HTR2C: variants seen among roughly 807,000 people sequenced by gnomAD.
HTR2C encodes 5-hydroxytryptamine (serotonin) receptor 2C, G protein-coupled.
A neutral mutation model predicts 21.0 loss-of-function variants in HTR2C; 5 were observed. That is an observed-to-expected ratio of 0.24 (90% confidence interval 0.12 to 0.50). The LOEUF is 0.50. HTR2C is among the 20% of genes least tolerant of loss of function. The probability of loss-of-function intolerance (pLI) is 0.98; values close to 1 mark genes in which losing one functional copy is unlikely to be tolerated. For missense variants in HTR2C, 271 were observed against 371.2 expected (o/e 0.73, Z 2.22); for synonymous variants, 150 against 145.3 (o/e 1.03, Z -0.23).
intron 2 of HTR2C, among the ~76,000 whole-genome samples, chrX:114,660,960 C>T (rs782537185): frequency 4.5e-5 from 5 of 112,187 alleles, no homozygotes; most frequent in African/African-American, 1.6e-4. Flanking sequence ...TGAGATATCT[C>T]TGCAAATATG....
intron 1 of HTR2C, chrX:114,589,942 T>A: frequency 4.2e-6 from 1 of 240,275 alleles, no homozygotes; most frequent in Non-Finnish European, 7.7e-6. Flanking sequence ...CTAAGTGTCA[T>A]CTTTTGTTTT....
chrX:114,663,845 G>A (rs1931080915), intron 2 of HTR2C, among the ~76,000 whole-genome samples: 1 of 111,511 alleles, frequency 9.0e-6, no homozygotes, highest in Admixed American at 9.6e-5. Flanking sequence ...GCGGGGGTGA[G>A]GGCAGTGCAG....
At chrX:114,675,651 G>A (rs1931527222) in intron 2 of HTR2C, among the ~76,000 whole-genome samples, 1 of 111,324 alleles carries the variant, frequency 9.0e-6, no homozygotes, top group African/African-American at 3.3e-5. Flanking sequence ...ATTTCCCGGA[G>A]CTTTGTTGTA....
At chrX:114,903,992 C>T (rs2147538964) in intron 5 of HTR2C, among the ~76,000 whole-genome samples, 1 of 111,730 alleles carries the variant, frequency 9.0e-6, no homozygotes, top group South Asian at 3.8e-4. Context: ...AGTTTCCTAT[C>T]AACACATTGT....
At chrX:114,713,341 T>A (rs1932920953) in intron 2 of HTR2C, among the ~76,000 whole-genome samples, 1 of 111,927 alleles carries the variant, frequency 8.9e-6, no homozygotes, top group African/African-American at 3.2e-5. Flanking sequence ...AATAATTCCT[T>A]AATTTAATAC....
At chrX:114,685,225 T>C (rs1371510450) in intron 2 of HTR2C, among the ~76,000 whole-genome samples, 1 of 112,065 alleles carries the variant, frequency 8.9e-6, no homozygotes, top group Non-Finnish European at 1.9e-5. Context: ...AGCTGTAAGA[T>C]TGAGTAATAT....
intron 4 of HTR2C, among the ~76,000 whole-genome samples, chrX:114,745,635 G>T (rs2069695539): frequency 8.9e-6 from 1 of 112,137 alleles, no homozygotes; most frequent in Admixed American, 9.5e-5. Flanking sequence ...AAAAGGAGAA[G>T]ATTCAGTAAT....
chrX:114,650,019 G>A (rs1180797582), intron 2 of HTR2C, among the ~76,000 whole-genome samples: 1 of 111,794 alleles, frequency 8.9e-6, no homozygotes, highest in Non-Finnish European at 1.9e-5. Flanking sequence ...ACAGAATTTT[G>A]CCTGACTTCC....
intron 2 of HTR2C, among the ~76,000 whole-genome samples, chrX:114,678,270 G>GAC (rs200416814): frequency 0.025 from 2,554 of 100,194 alleles, 17 homozygotes; most frequent in Middle Eastern, 0.032. Context: ...CTCTCTGTCT[G>GAC]ACACACACAC....
intron 4 of HTR2C, among the ~76,000 whole-genome samples, chrX:114,841,236 A>T (rs1372839403): frequency 9.0e-6 from 1 of 111,657 alleles, no homozygotes; most frequent in Non-Finnish European, 1.9e-5. Flanking sequence ...CTCACTAACA[A>T]CTCCAGCAGA....
chrX:114,883,352 T>G (rs188998253), intron 5 of HTR2C, among the ~76,000 whole-genome samples: 86 of 110,690 alleles, frequency 7.8e-4, no homozygotes, highest in African/African-American at 2.6e-3. Context: ...TTGTCAATCT[T>G]GTTGAGCTTT....
intron 5 of HTR2C, among the ~76,000 whole-genome samples, chrX:114,870,996 G>A (rs1288184299): frequency 9.1e-6 from 1 of 110,068 alleles, no homozygotes; most frequent in East Asian, 2.9e-4. Flanking sequence ...GCTTTTTTTA[G>A]TTCTTTAAGA....
chrX:114,719,721 G>A (rs1182396780), intron 2 of HTR2C, among the ~76,000 whole-genome samples: 9 of 111,117 alleles, frequency 8.1e-5, no homozygotes, highest in Non-Finnish European at 1.7e-4. Context: ...ATAAATATTT[G>A]ATGTTTAATT....
chrX:114,761,881 A>C (rs1441104945), intron 4 of HTR2C, among the ~76,000 whole-genome samples: 2 of 109,101 alleles, frequency 1.8e-5, no homozygotes, highest in African/African-American at 6.7e-5. Context: ...CTCTATATAT[A>C]TATATATGTG....
At chrX:114,623,845 C>T (rs1929259473) in intron 2 of HTR2C, among the ~76,000 whole-genome samples, 1 of 107,720 alleles carries the variant, frequency 9.3e-6, no homozygotes, top group South Asian at 4.0e-4. Context: ...ATTTATAATG[C>T]AATTGAAATA....
At chrX:114,747,651 G>C (rs1317283074) in intron 4 of HTR2C, among the ~76,000 whole-genome samples, 1 of 112,274 alleles carries the variant, frequency 8.9e-6, no homozygotes, top group African/African-American at 3.2e-5. Context: ...CTTCCATCTT[G>C]CTTGCACTTT....
intron 4 of HTR2C, among the ~76,000 whole-genome samples, chrX:114,827,175 C>A (rs1396714787): frequency 9.0e-6 from 1 of 111,002 alleles, no homozygotes; most frequent in Admixed American, 9.7e-5. Context: ...ATCCAAAATT[C>A]CAAAATCCAA....
rs200204770 is a variant in HTR2C at position 114,784,530 on chromosome X, G to A, written c.349+52923G>A. On this transcript the variant is annotated intron_variant, in intron 4 of 5. Coordinates refer to ENST00000276198, the MANE Select transcript of HTR2C (RefSeq NM_000868.4). ...ATCATCCTAGCTTGTGGTAGTTGCC[G>A]GCAATCCTTGACGGTCCTTGGCTTG... Among the ~76,000 whole-genome samples, 12 of 109,905 alleles carry A rather than the reference G, an allele frequency of 1.1e-4. No homozygotes were observed. In the East Asian group the frequency reaches 3.2e-3, roughly 29 times the overall value.
At chrX:114,811,050 G>A (rs1348756314) in intron 4 of HTR2C, among the ~76,000 whole-genome samples, 1 of 111,430 alleles carries the variant, frequency 9.0e-6, no homozygotes, top group African/African-American at 3.3e-5. Context: ...TCATTGAATG[G>A]CCAGTTGTGT....
Sources: allele counts gnomAD v4.1 joint callset (sites outside exome capture counted in the v4.1 genomes callset), GRCh38; gene constraint gnomAD v4.1.1; transcripts MANE v1.5; gene names NCBI Gene and HGNC (gene_info 2026-07-23, HGNC 2026-07-21).